The following PCDHB3 variants were observed in gnomAD, a reference collection of about 807,000 sequenced individuals.
The protein encoded by PCDHB3 is protocadherin beta-3.
For missense variants in PCDHB3, 967 were observed against 1,012.1 expected, an observed-to-expected ratio of 0.96 and a Z score of 0.60; for synonymous variants, 479 against 456.0, an observed-to-expected ratio of 1.05 and a Z score of -0.64.
At position 141,101,416 on chromosome 5, in the gene PCDHB3, C is replaced by T. The variant is rs1751938664; in HGVS notation, c.767C>T (p.Pro256Leu). The change falls in exon 1 of 1, where the codon CCC becomes CTC. Residue 256 changes from proline (P) to leucine (L), a missense_variant. Transcript: ENST00000231130. ...GAGGTTGCAGTTCTAGAGAATACCCCCGTTAACTCTGTCATTGTCACTGTC... is the reference window on the plus strand; with the variant it reads ...GAGGTTGCAGTTCTAGAGAATACCCTCGTTAACTCTGTCATTGTCACTGTC... The part of the protein sequence containing the change: ...LYEVAVLENT[P>L]VNSVIVTVSA... 1.2e-6 allele frequency: 2 copies of T among 1,614,070 alleles called. No individual in the cohort carries two copies. Among genetic ancestry groups the T allele is most frequent in the Non-Finnish European group, 1.7e-6 (2 of 1,180,036 alleles).
Position 141,102,554 on chromosome 5 carries a change from G to T in PCDHB3, c.1905G>T (p.Ala635=), listed in dbSNP as rs13179024. 67 of 1,608,030 alleles carry T rather than the reference G, an allele frequency of 4.2e-5. No individual in the cohort carries two copies. The highest frequency in any genetic ancestry group is 4.9e-5 in the Non-Finnish European group (58 of 1,179,484). The change falls in exon 1 of 1, where the codon GCG becomes GCT. Residue 635 remains alanine (A), a synonymous_variant. Coordinates refer to ENST00000231130, the MANE Select transcript of PCDHB3 (RefSeq NM_018937.5). ...RTARLLSERD[A]AKHRLVVLVK... is the part of the protein sequence containing the mutation. Reference sequence around the variant, plus strand: ...CCAGGCTGCTGAGCGAGCGCGACGCGGCCAAGCACAGGCTGGTGGTGCTGG... The same window carrying T: ...CCAGGCTGCTGAGCGAGCGCGACGCTGCCAAGCACAGGCTGGTGGTGCTGG...
rs148121148 is a variant in PCDHB3, at chr5:141,101,288, C to T, written c.639C>T (p.Thr213=). Residue 213 remains threonine, a synonymous_variant, in exon 1 of 1, where the codon ACC becomes ACT. Transcript: ENST00000231130. ...EEQPELSLTL[T]ALDGGSPPRS... is the part of the protein sequence containing the mutation. ...AGCCGGAACTCAGCTTAACGCTCAC[C>T]GCGCTGGACGGCGGCTCTCCCCCTC... The T allele has an allele frequency of 3.7e-6, 6 of 1,614,086 alleles. No homozygotes were observed. In the African/African-American group the frequency reaches 8.0e-5, roughly 22 times the overall value.
In PCDHB3 at chr5:141,100,602, G is replaced by T; in HGVS notation, c.-48G>T. 1 of 1,389,038 alleles carries T rather than the reference G, an allele frequency of 7.2e-7. No homozygotes were observed. Among genetic ancestry groups the T allele is most frequent in the South Asian group, 1.3e-5 (1 of 75,984 alleles). The allele number at this position is 1,389,038 out of a possible 1,614,324, so 86.0% of individuals were successfully genotyped here. A position where few individuals can be genotyped will look rare whatever the true frequency, so the allele number is the denominator to read the frequency against. On this transcript the variant is annotated 5_prime_UTR_variant, in exon 1 of 1. Coordinates refer to ENST00000231130, the MANE Select transcript of PCDHB3 (RefSeq NM_018937.5). Reference sequence around the variant, plus strand: ...AAAAGACTGTTTCCCAGCTCTGTCTGAGGTTCAGCTTGGCGACATTCCCTG... The same window carrying T: ...AAAAGACTGTTTCCCAGCTCTGTCTTAGGTTCAGCTTGGCGACATTCCCTG...
Position 141,100,867 on chromosome 5 carries a change from A to T in PCDHB3, c.218A>T (p.Gln73Leu). 1 of 1,614,182 alleles carries T rather than the reference A, an allele frequency of 6.2e-7. No individual in the cohort carries two copies. The highest frequency in any genetic ancestry group is 8.5e-7 in the Non-Finnish European group (1 of 1,180,026). Residue 73 changes from glutamine (Q) to leucine (L), a missense_variant, in exon 1 of 1, where the codon CAG becomes CTG. Physicochemically the swap from Gln to Leu is moderately radical, Grantham distance 113. Transcript: ENST00000231130. Reference sequence around the variant, plus strand: ...CAAGTTGTGTCCAAAGGGAACAAACAGCATTTTCAGCTCAGTCATCAGACA... The same window carrying T: ...CAAGTTGTGTCCAAAGGGAACAAACTGCATTTTCAGCTCAGTCATCAGACA... ...GAQVVSKGNK[Q>L]HFQLSHQTGD...
At position 141,103,073 on chromosome 5, in the gene PCDHB3, G is replaced by C; in HGVS notation, c.*33G>C. ...TAAGGATCTACTGAGCCTCGTCTTA[G>C]TTAATCTGTGGAAAGTCCTTTTTTA... On this transcript the variant is annotated 3_prime_UTR_variant, in exon 1 of 1. Transcript: ENST00000231130. 3.8e-6 allele frequency: 6 copies of C among 1,567,602 alleles called. No homozygotes were observed. Among genetic ancestry groups the C allele is most frequent in the Non-Finnish European group, 5.2e-6 (6 of 1,158,118 alleles).
chr5:141,101,356 AC>A lies in PCDHB3; in HGVS notation c.708del (p.Asn236LysfsTer17), dbSNP rs1554272273. The stretch of plus-strand genomic sequence containing the variant: ...ATAAACATCCAGGTCTTAGATATAA[AC>A]GACAATGCACCAGAATTTGCACAGC... ...AQINIQVLDI[N>X]DNAPEFAQPL... On this transcript the variant is annotated frameshift_variant, in exon 1 of 1. Transcript: ENST00000231130. LOFTEE classifies it low-confidence loss of function (END_TRUNC). 1 of 1,614,124 alleles carries A rather than the reference AC, an allele frequency of 6.2e-7. No homozygotes were observed. The highest frequency in any genetic ancestry group is 2.2e-5 in the East Asian group (1 of 44,860).
At position 141,102,351 on chromosome 5, in the gene PCDHB3, G is replaced by A. The variant is rs782668326; in HGVS notation, c.1702G>A (p.Gly568Ser). The change falls in exon 1 of 1, where the codon GGC (glycine) becomes AGC (serine). Residue 568 changes from glycine (G) to serine (S), a missense_variant. Coordinates refer to ENST00000231130, the MANE Select transcript of PCDHB3 (RefSeq NM_018937.5). Reference protein sequence around the residue: ...SPFVLYPLQNGSAPCTELVPR... With the variant: ...SPFVLYPLQNSSAPCTELVPR... ...CTTCGTGCTGTACCCGCTGCAGAAC[G>A]GCTCCGCGCCCTGCACCGAGCTGGT... 1.1e-5 allele frequency: 18 copies of A among 1,611,132 alleles called. No individual in the cohort carries two copies. The highest frequency in any genetic ancestry group is 1.7e-5 in the Admixed American group (1 of 59,968).
In PCDHB3 at chr5:141,100,483, A is replaced by G. The variant is rs1412382498; in HGVS notation, c.-167A>G. 6 of 573,712 alleles carry G rather than the reference A, an allele frequency of 1.0e-5. No homozygotes were observed. The Admixed American group carries it at 1.9e-4, about 18-fold the overall frequency. The allele number at this position is 573,712 out of a possible 1,614,324, so 35.5% of individuals were successfully genotyped here. ...GTGACGCACGGATCCAGTGTGGTAAACCAGCGGTTGAGAGCCCAGGCAGAT... is the reference window on the plus strand; with the variant it reads ...GTGACGCACGGATCCAGTGTGGTAAGCCAGCGGTTGAGAGCCCAGGCAGAT... On this transcript the variant is annotated 5_prime_UTR_variant, in exon 1 of 1. Transcript: ENST00000231130.
chr5:141,100,734 G>GA lies in PCDHB3; in HGVS notation c.86dup (p.Ser30ValfsTer8), dbSNP rs782584958. On this transcript the variant is annotated frameshift_variant, in exon 1 of 1. Transcript: ENST00000231130. LOFTEE classifies it low-confidence loss of function (END_TRUNC). ...TCTGGGAGGGTCTCTGGCTGGGTCC[G>GA]AGTCAAGACGCTATTCTGTGGCTGA... 17 of 1,613,958 alleles carry GA rather than the reference G, an allele frequency of 1.1e-5. No homozygotes were observed. The highest frequency in any genetic ancestry group is 1.4e-5 in the Non-Finnish European group (16 of 1,180,018).
Position 141,101,934 on chromosome 5 carries a change from C to T in PCDHB3, c.1285C>T (p.Pro429Ser), listed in dbSNP as rs1554272412. 4 of 1,614,064 alleles carry T rather than the reference C, an allele frequency of 2.5e-6. No individual in the cohort carries two copies. The highest frequency in any genetic ancestry group is 2.7e-5 in the African/African-American group (2 of 75,034). Residue 429 changes from proline to serine, a missense_variant, in exon 1 of 1, where the codon CCC becomes TCC. Transcript: ENST00000231130. Reference protein sequence around the residue: ...ITITITDLGTPRLKTKYNITV... With the variant: ...ITITITDLGTSRLKTKYNITV... Reference sequence around the variant, plus strand: ...CATCACTATCACTGACCTGGGGACACCCAGGCTGAAAACCAAGTACAACAT... The same window carrying T: ...CATCACTATCACTGACCTGGGGACATCCAGGCTGAAAACCAAGTACAACAT...
rs1424162622 is a variant in PCDHB3, at chr5:141,103,747, T to C, written c.*707T>C. On this transcript the variant is annotated 3_prime_UTR_variant, in exon 1 of 1. Coordinates refer to ENST00000231130, the MANE Select transcript of PCDHB3 (RefSeq NM_018937.5). ...AAATATGGACACAAATATAGACTAA[T>C]ATGGGTAATTACCCTTTGGTTTATC... is the stretch of plus-strand genomic sequence containing the variant. 6.6e-6 allele frequency: 1 copy of C among 152,188 alleles called. No individual in the cohort carries two copies. The highest frequency in any genetic ancestry group is 2.4e-5 in the African/African-American group (1 of 41,448). 9.4% of individuals were successfully genotyped at this position (152,188 alleles called of 1,614,324 possible).
Position 141,102,710 on chromosome 5 carries a change from C to G in PCDHB3, c.2061C>G (p.Thr687=). The G allele has an allele frequency of 2.5e-6, 4 of 1,611,942 alleles. No homozygotes were observed. In the South Asian group the frequency reaches 3.3e-5, roughly 13 times the overall value. ...APAQAQADLL[T]VYLVVALASV... is the part of the protein sequence containing the mutation. ...CCCAGGCCCAGGCCGACTTGCTCACCGTCTACCTGGTGGTGGCATTGGCCT... is the reference window on the plus strand; with the variant it reads ...CCCAGGCCCAGGCCGACTTGCTCACGGTCTACCTGGTGGTGGCATTGGCCT... The change falls in exon 1 of 1, where the codon ACC becomes ACG. Residue 687 remains threonine, a synonymous_variant. Coordinates refer to ENST00000231130, the MANE Select transcript of PCDHB3 (RefSeq NM_018937.5).
In PCDHB3 at chr5:141,102,880, C is replaced by G; in HGVS notation, c.2231C>G (p.Thr744Ser). Residue 744 changes from threonine to serine, a missense_variant, in exon 1 of 1, where the codon ACC becomes AGC. Coordinates refer to ENST00000231130, the MANE Select transcript of PCDHB3 (RefSeq NM_018937.5). ...GQMVDVSGTGTLSQSYQYEVC... is the reference protein window; with the variant it reads ...GQMVDVSGTGSLSQSYQYEVC... ...ATGGTGGACGTGAGCGGCACCGGGA[C>G]CCTGTCCCAGAGCTACCAGTACGAG... is the stretch of plus-strand genomic sequence containing the variant. The G allele has an allele frequency of 6.2e-7, 1 of 1,613,744 alleles. No homozygotes were observed. Among genetic ancestry groups the G allele is most frequent in the South Asian group, 1.1e-5 (1 of 91,050 alleles).
chr5:141,101,306 T>C lies in PCDHB3; in HGVS notation c.657T>C (p.Ser219=), dbSNP rs1554272256. 5.6e-6 allele frequency: 9 copies of C among 1,613,896 alleles called. No individual in the cohort carries two copies. The highest frequency in any genetic ancestry group is 7.6e-6 in the Non-Finnish European group (9 of 1,179,968). ...CGCTCACCGCGCTGGACGGCGGCTC[T>C]CCCCCTCGGTCTGGGACAGCCCAGA... ...SLTLTALDGG[S]PPRSGTAQIN... is the part of the protein sequence containing the mutation. Residue 219 remains serine, a synonymous_variant, in exon 1 of 1, where the codon TCT becomes TCC. Coordinates refer to ENST00000231130, the MANE Select transcript of PCDHB3 (RefSeq NM_018937.5).
In PCDHB3 at chr5:141,102,098, C is replaced by T. The variant is rs1554272471; in HGVS notation, c.1449C>T (p.Asn483=). 1.2e-6 allele frequency: 2 copies of T among 1,612,926 alleles called. No homozygotes were observed. The highest frequency in any genetic ancestry group is 8.5e-7 in the Non-Finnish European group (1 of 1,180,034). Reference sequence around the variant, plus strand: ...CCACAGACAGAGACTCAGGCACCAACGCCCAGGTAACCTACTCGCTGCTGC... The same window carrying T: ...CCACAGACAGAGACTCAGGCACCAATGCCCAGGTAACCTACTCGCTGCTGC... ...VSATDRDSGT[N]AQVTYSLLPP... is the part of the protein sequence containing the mutation. The change falls in exon 1 of 1, where the codon AAC becomes AAT. Residue 483 remains asparagine (N), a synonymous_variant. Transcript: ENST00000231130.
In PCDHB3 at chr5:141,100,909, A is replaced by C; in HGVS notation, c.260A>C (p.Asn87Thr). 1 of 1,614,094 alleles carries C rather than the reference A, an allele frequency of 6.2e-7. No individual in the cohort carries two copies. The highest frequency in any genetic ancestry group is 1.7e-5 in the Admixed American group (1 of 60,016). ...CATCAGACAGGTGATTTGCTCCTGA[A>C]TGAGAAATTGGACCGGGAGGAGCTA... ...LSHQTGDLLL[N>T]EKLDREELCG... Residue 87 changes from asparagine (N) to threonine (T), a missense_variant, in exon 1 of 1, where the codon AAT becomes ACT. Physicochemically the swap from Asn to Thr is moderately conservative, Grantham distance 65. Transcript: ENST00000231130.
In PCDHB3 at chr5:141,102,385, C is replaced by A. The variant is rs782146000; in HGVS notation, c.1736C>A (p.Ala579Glu). ...CCCTGCACCGAGCTGGTGCCCCGGGCGGCTGAGCCGGGCTACCTGGTGACC... is the reference window on the plus strand; with the variant it reads ...CCCTGCACCGAGCTGGTGCCCCGGGAGGCTGAGCCGGGCTACCTGGTGACC... Reference protein sequence around the residue: ...SAPCTELVPRAAEPGYLVTKV... With the variant: ...SAPCTELVPREAEPGYLVTKV... The change falls in exon 1 of 1, where the codon GCG becomes GAG. Residue 579 changes from alanine to glutamate, a missense_variant. Transcript: ENST00000231130. The A allele has an allele frequency of 6.4e-7, 1 of 1,571,124 alleles. No homozygotes were observed. Among genetic ancestry groups the A allele is most frequent in the Non-Finnish European group, 8.7e-7 (1 of 1,143,732 alleles).
At position 141,102,602 on chromosome 5, in the gene PCDHB3, G is replaced by A. The variant is rs782400330; in HGVS notation, c.1953G>A (p.Pro651=). 2 of 1,608,666 alleles carry A rather than the reference G, an allele frequency of 1.2e-6. No individual in the cohort carries two copies. The highest frequency in any genetic ancestry group is 8.5e-7 in the Non-Finnish European group (1 of 1,179,692). The change falls in exon 1 of 1, where the codon CCG becomes CCA. Residue 651 remains proline, a synonymous_variant. Coordinates refer to ENST00000231130, the MANE Select transcript of PCDHB3 (RefSeq NM_018937.5). ...TGGTCAAGGACAATGGCGAGCCTCC[G>A]CGCTCGGCCACCGCCACGCTGCATG... is the stretch of plus-strand genomic sequence containing the variant. ...VVLVKDNGEP[P]RSATATLHVL... is the part of the protein sequence containing the mutation.
In PCDHB3 at chr5:141,103,799, A is replaced by T. The variant is rs1752020181; in HGVS notation, c.*759A>T. ...AAAGTGTGTTCATGATGACTGAGGAAAAAAATTAAACCTATGCCATTTAAA... is the reference window on the plus strand; with the variant it reads ...AAAGTGTGTTCATGATGACTGAGGATAAAAATTAAACCTATGCCATTTAAA... On this transcript the variant is annotated 3_prime_UTR_variant, in exon 1 of 1. Coordinates refer to ENST00000231130, the MANE Select transcript of PCDHB3 (RefSeq NM_018937.5). The T allele has an allele frequency of 6.6e-6, 1 of 152,170 alleles. No homozygotes were observed. Among genetic ancestry groups the T allele is most frequent in the South Asian group, 2.1e-4 (1 of 4,826 alleles). 9.4% of individuals were successfully genotyped at this position (152,170 alleles called of 1,614,324 possible).
Sources: gnomAD v4.1 joint callset for allele counts on GRCh38, gnomAD v4.1.1 for gene constraint, MANE v1.5 for transcripts, NCBI Gene and HGNC (gene_info 2026-07-23, HGNC 2026-07-21) for gene names.